Variants in SORCS2 observed in about 807,000 individuals in gnomAD.
The protein encoded by SORCS2 is sortilin related VPS10 domain containing receptor 2.
SORCS2 carries 100 observed loss-of-function variants against 141.6 expected under a neutral mutation model. The ratio of observed to expected loss-of-function variants is 0.71; its 90% confidence interval spans 0.60 to 0.83. The LOEUF (loss-of-function observed/expected upper bound fraction) is 0.83. Among genes scored for constraint, SORCS2 ranks in the 40% least tolerant of loss-of-function variants. The pLI is 0.00. For synonymous variants in SORCS2, 789 were observed against 676.9 expected (o/e 1.17, Z -2.57); for missense variants, 1,646 against 1,560.2 (o/e 1.05, Z -0.93).
intron 3 of SORCS2, among the ~76,000 whole-genome samples, chr4:7,596,580 C>T (rs928982885): frequency 6.6e-6 from 1 of 152,194 alleles, no homozygotes; most frequent in Non-Finnish European, 1.5e-5. Flanking sequence ...CCATTTCCAT[C>T]CCCTTCAGAC....
chr4:7,682,718 A>T, intron 9 of SORCS2, 25 bp from the exon 10 acceptor site: 1 of 1,594,086 alleles, frequency 6.3e-7, no homozygotes, highest in Non-Finnish European at 8.5e-7. Context: ...GTAAGTTTAC[A>T]GTCCTTCTTT....
At chr4:7,396,028 G>C (rs1724188304) in intron 1 of SORCS2, among the ~76,000 whole-genome samples, 1 of 152,230 alleles carries the variant, frequency 6.6e-6, no homozygotes, top group Non-Finnish European at 1.5e-5. Flanking sequence ...GGCAGCTACT[G>C]TGTGGATGTC....
At chr4:7,682,700 G>C (rs779593220) in intron 9 of SORCS2, 43 bp from the exon 10 acceptor site, 13 of 1,571,236 alleles carry the variant, frequency 8.3e-6, no homozygotes, top group Non-Finnish European at 1.1e-5. Flanking sequence ...TCATCAGAGT[G>C]CTCCAGTGTA....
intron 2 of SORCS2, among the ~76,000 whole-genome samples, chr4:7,405,574 AT>A (rs1407612670): frequency 6.6e-6 from 1 of 151,898 alleles, no homozygotes; most frequent in African/African-American, 2.4e-5. Flanking sequence ...CCTTGGTTAA[AT>A]TTATTTGTAG....
chr4:7,538,190 GC>G (rs1321452167), intron 3 of SORCS2, among the ~76,000 whole-genome samples: 1 of 152,202 alleles, frequency 6.6e-6, no homozygotes, highest in Non-Finnish European at 1.5e-5. Context: ...ACAATTACAG[GC>G]CGAGCAGCAC....
At chr4:7,205,172 C>T (rs954892243) in intron 1 of SORCS2, among the ~76,000 whole-genome samples, 3 of 152,174 alleles carry the variant, frequency 2.0e-5, no homozygotes, top group South Asian at 2.1e-4. Flanking sequence ...GCAGCTATGA[C>T]GTCAGGCGGC....
intron 1 of SORCS2, among the ~76,000 whole-genome samples, chr4:7,332,753 G>A (rs188083606): frequency 2.0e-5 from 3 of 152,282 alleles, no homozygotes; most frequent in Admixed American, 6.5e-5. Flanking sequence ...GGCTCCCAGC[G>A]CTGCCTGTGG....
At chr4:7,433,136 C>T (rs1428930590) in intron 2 of SORCS2, 11 of 567,460 alleles carry the variant, frequency 1.9e-5, no homozygotes, top group South Asian at 7.1e-5. Flanking sequence ...CAAAGCTGTG[C>T]GGCACCGTTG....
At chr4:7,658,353 A>G (rs1322280911) in intron 5 of SORCS2, among the ~76,000 whole-genome samples, 1 of 150,680 alleles carries the variant, frequency 6.6e-6, no homozygotes, top group Non-Finnish European at 1.5e-5. Flanking sequence ...GTGAGGGCAG[A>G]GGGAGCCTGT....
At chr4:7,496,846 C>G (rs1448403054) in intron 2 of SORCS2, among the ~76,000 whole-genome samples, 1 of 152,144 alleles carries the variant, frequency 6.6e-6, no homozygotes, top group African/African-American at 2.4e-5. Context: ...AGGCACAGGG[C>G]TCCGGGCACA....
intron 2 of SORCS2, among the ~76,000 whole-genome samples, chr4:7,497,990 T>C (rs1216817025): frequency 6.6e-6 from 1 of 152,248 alleles, no homozygotes; most frequent in African/African-American, 2.4e-5. Context: ...AAGGTGCTGG[T>C]GCCCACAGCC....
At chr4:7,306,070 C>G (rs1390220241) in intron 1 of SORCS2, among the ~76,000 whole-genome samples, 1 of 152,216 alleles carries the variant, frequency 6.6e-6, no homozygotes, top group Non-Finnish European at 1.5e-5. Context: ...TTGCTGTGAG[C>G]TGGGGAGAGG....
intron 1 of SORCS2, among the ~76,000 whole-genome samples, chr4:7,252,353 GT>G (rs1394013831): frequency 6.6e-6 from 1 of 152,180 alleles, no homozygotes; most frequent in African/African-American, 2.4e-5. Flanking sequence ...ATGGGCCCGG[GT>G]GGGGCAGGGC....
chr4:7,655,750 C>T (rs947375503), intron 5 of SORCS2, among the ~76,000 whole-genome samples: 8 of 152,220 alleles, frequency 5.3e-5, no homozygotes, highest in Non-Finnish European at 4.4e-5. Flanking sequence ...TGGGCCTGAG[C>T]GCTCGCAGAG....
chr4:7,292,583 C>T (rs1320084849), intron 1 of SORCS2, among the ~76,000 whole-genome samples: 1 of 152,308 alleles, frequency 6.6e-6, no homozygotes. Context: ...CCTTTATTTG[C>T]TCTTTTAACA....
At chr4:7,640,477 TGA>T (rs58499022) in intron 4 of SORCS2, among the ~76,000 whole-genome samples, 80,618 of 145,790 alleles carry the variant, frequency 0.55, 22,787 homozygotes, top group East Asian at 0.95. Context: ...TGTGTGTGTG[TGA>T]GAGAGAGCCT....
chr4:7,417,046 G>A (rs4689116), intron 2 of SORCS2, among the ~76,000 whole-genome samples: 61,628 of 151,916 alleles, frequency 0.41, 12,804 homozygotes, highest in East Asian at 0.5. Context: ...TCTGCCCTGG[G>A]GATATGATGC....
intron 3 of SORCS2, among the ~76,000 whole-genome samples, chr4:7,550,027 G>A (rs1221559084): frequency 6.6e-6 from 1 of 151,632 alleles, no homozygotes; most frequent in Non-Finnish European, 1.5e-5. Flanking sequence ...CGGATGAACA[G>A]AGCAGGGCCG....
intron 1 of SORCS2, among the ~76,000 whole-genome samples, chr4:7,384,317 G>C (rs940901167): frequency 2.0e-5 from 3 of 152,228 alleles, no homozygotes; most frequent in Non-Finnish European, 4.4e-5. Context: ...AACGTCCATA[G>C]AGTGCTCAGC....
Sources: allele counts gnomAD v4.1 joint callset (sites outside exome capture counted in the v4.1 genomes callset), GRCh38; gene constraint gnomAD v4.1.1; transcripts MANE v1.5; gene names NCBI Gene and HGNC (gene_info 2026-07-23, HGNC 2026-07-21).